The following RBMXL1 variants were observed in gnomAD, a reference collection of about 807,000 sequenced individuals.
RBMXL1 encodes the protein RBMX like 1.
In RBMXL1, 18 loss-of-function variants were observed where a neutral mutation model predicts 29.0. The ratio of observed to expected loss-of-function variants is 0.62; its 90% confidence interval spans 0.43 to 0.92. The LOEUF is 0.92. Among genes scored for constraint, RBMXL1 ranks in the 40% least tolerant of loss-of-function variants. The pLI, the probability that RBMXL1 is intolerant of heterozygous loss-of-function variation, is 0.00. For synonymous variants in RBMXL1, 141 were observed against 170.4 expected (o/e 0.83, Z 1.34); for missense variants, 403 against 495.8 (o/e 0.81, Z 1.78).
chr1:88,987,835 T>C (rs1677555241), intron 2 of RBMXL1, among the ~76,000 whole-genome samples: 2 of 152,252 alleles, frequency 1.3e-5, no homozygotes, highest in Non-Finnish European at 1.5e-5. Context: ...TCTGATTGTC[T>C]TTAAAAAATG....
chr1:88,986,741 G>A (rs1274063709), intron 2 of RBMXL1, among the ~76,000 whole-genome samples: 1 of 152,176 alleles, frequency 6.6e-6, no homozygotes, highest in African/African-American at 2.4e-5. Flanking sequence ...GGATGATGTG[G>A]ATGAAACGAA....
chr1:88,984,618 T>C (rs1157035793), intron 2 of RBMXL1, among the ~76,000 whole-genome samples: 1 of 152,250 alleles, frequency 6.6e-6, no homozygotes, highest in Non-Finnish European at 1.5e-5. Flanking sequence ...ACAGATCTGC[T>C]GAGTGAAAGG....
At chr1:88,984,440 T>C (rs541123126) in intron 2 of RBMXL1, among the ~76,000 whole-genome samples, 2 of 152,290 alleles carry the variant, frequency 1.3e-5, no homozygotes, top group African/African-American at 4.8e-5. Context: ...ATGGAACTCC[T>C]AGCCCAAGTG....
chr1:88,986,354 G>A (rs915875473), intron 2 of RBMXL1, among the ~76,000 whole-genome samples: 8 of 149,672 alleles, frequency 5.3e-5, no homozygotes, highest in Non-Finnish European at 1.2e-4. Context: ...GGCCAGGCGC[G>A]GTGGCTCACG....
intron 2 of RBMXL1, among the ~76,000 whole-genome samples, chr1:88,986,017 C>CA (rs1367992023): frequency 1.3e-5 from 2 of 151,818 alleles, no homozygotes; most frequent in African/African-American, 4.8e-5. Context: ...CCCGTCTCTA[C>CA]AAAAAATACA....
At chr1:88,990,592 C>T (rs1258350413) in intron 1 of RBMXL1, among the ~76,000 whole-genome samples, 1 of 152,192 alleles carries the variant, frequency 6.6e-6, no homozygotes, top group Non-Finnish European at 1.5e-5. Flanking sequence ...TCTCATTTAT[C>T]TCCTGCCTCT....
rs1343015646 is a variant in RBMXL1 at position 88,982,180 on chromosome 1, G to C, written c.*474C>G. The C allele has an allele frequency of 4.6e-6, 4 of 872,060 alleles. No homozygotes were observed. Among genetic ancestry groups the C allele is most frequent in the South Asian group, 1.0e-4 (2 of 19,412 alleles). The allele number at this position is 872,060 out of a possible 1,614,324, so 54.0% of individuals were successfully genotyped here. On this transcript the variant is annotated 3_prime_UTR_variant, in exon 3 of 3. Transcript: ENST00000652648. Reference sequence around the variant, plus strand: ...TCTGATTTCAGGTTTTGCATACTGAGAACAGTGAGATTTCAGTTAGAAAAC... The same window carrying C: ...TCTGATTTCAGGTTTTGCATACTGACAACAGTGAGATTTCAGTTAGAAAAC...
intron 2 of RBMXL1, among the ~76,000 whole-genome samples, chr1:88,986,038 G>A (rs998577167): frequency 1.3e-5 from 2 of 152,052 alleles, no homozygotes; most frequent in Admixed American, 6.5e-5. Flanking sequence ...AATATTGGCC[G>A]GGAGTGGTGG....
Position 88,982,831 on chromosome 1 carries a change from A to G in RBMXL1, c.996T>C (p.Ser332=), listed in dbSNP as rs758986203. Residue 332 remains serine, a synonymous_variant, in exon 3 of 3, where the codon AGT becomes AGC. Coordinates refer to ENST00000652648, the MANE Select transcript of RBMXL1 (RefSeq NM_001162536.3). ...CCCTGTCACAACTTGAGTAGAGATC[A>G]CTTCGGCTGCTTGAGTAACTGTCTC... The part of the protein sequence containing the change: ...GSRDSYSSSR[S]DLYSSCDRVG... The G allele has an allele frequency of 1.5e-5, 24 of 1,613,878 alleles. No individual in the cohort carries two copies. Among genetic ancestry groups the G allele is most frequent in the Non-Finnish European group, 1.9e-5 (23 of 1,179,882 alleles).
Position 88,982,598 on chromosome 1 carries a change from C to T in RBMXL1, c.*56G>A, listed in dbSNP as rs1210759062. The T allele has an allele frequency of 2.0e-6, 3 of 1,536,032 alleles. No homozygotes were observed. The highest frequency in any genetic ancestry group is 1.7e-6 in the Non-Finnish European group (2 of 1,145,314). ...TTGGGTAGTTATGATAGAATAGTTT[C>T]CACTCTTTTTTTTGTTTCTTTGAAC... On this transcript the variant is annotated 3_prime_UTR_variant, in exon 3 of 3. Coordinates refer to ENST00000652648, the MANE Select transcript of RBMXL1 (RefSeq NM_001162536.3).
At chr1:88,990,951 T>C (rs1300295415) in intron 1 of RBMXL1, among the ~76,000 whole-genome samples, 1 of 152,186 alleles carries the variant, frequency 6.6e-6, no homozygotes, top group Admixed American at 6.5e-5. Context: ...TTCTAAACAA[T>C]ATTTTCATTG....
At position 88,982,605 on chromosome 1, in the gene RBMXL1, T is replaced by A. The variant is rs1677150348; in HGVS notation, c.*49A>T. ...GTTATGATAGAATAGTTTCCACTCT[T>A]TTTTTTGTTTCTTTGAACTGGGATT... On this transcript the variant is annotated 3_prime_UTR_variant, in exon 3 of 3. Coordinates refer to ENST00000652648, the MANE Select transcript of RBMXL1 (RefSeq NM_001162536.3). The A allele has an allele frequency of 1.9e-6, 3 of 1,541,344 alleles. No individual in the cohort carries two copies. Among genetic ancestry groups the A allele is most frequent in the Non-Finnish European group, 2.6e-6 (3 of 1,147,812 alleles).
intron 2 of RBMXL1, among the ~76,000 whole-genome samples, chr1:88,986,726 A>C (rs765021732): frequency 5.3e-5 from 8 of 152,166 alleles, no homozygotes; most frequent in Non-Finnish European, 8.8e-5. Flanking sequence ...TTTTCATGAC[A>C]TTAAGGATGA....
At chr1:88,990,216 T>C (rs959488744) in intron 1 of RBMXL1, among the ~76,000 whole-genome samples, 2 of 152,190 alleles carry the variant, frequency 1.3e-5, no homozygotes, top group Non-Finnish European at 2.9e-5. Flanking sequence ...CTTGCTTCAC[T>C]GATTATTACC....
At chr1:88,984,135 G>A (rs1003774445) in intron 2 of RBMXL1, 69 bp from the exon 3 acceptor site, 6 of 311,710 alleles carry the variant, frequency 1.9e-5, no homozygotes, top group Non-Finnish European at 3.8e-5. Context: ...GATGCTTAAA[G>A]ATACATAAAA....
chr1:88,989,934 T>C (rs1241096781), intron 1 of RBMXL1, among the ~76,000 whole-genome samples: 1 of 152,150 alleles, frequency 6.6e-6, no homozygotes, highest in Non-Finnish European at 1.5e-5. Context: ...TGGTCATCAG[T>C]CTTAAATTGA....
intron 2 of RBMXL1, among the ~76,000 whole-genome samples, chr1:88,986,460 T>C (rs900130198): frequency 1.3e-5 from 2 of 151,476 alleles, no homozygotes; most frequent in South Asian, 4.2e-4. Context: ...CCAGCTAATG[T>C]TTTGTATGTT....
At chr1:88,987,386 A>G (rs757948581) in intron 2 of RBMXL1, among the ~76,000 whole-genome samples, 3 of 152,228 alleles carry the variant, frequency 2.0e-5, no homozygotes, top group Non-Finnish European at 2.9e-5. Context: ...GGTAGAATTC[A>G]TAAGATTTAC....
In RBMXL1 at chr1:88,980,109, A is replaced by C. The variant is rs546782823; in HGVS notation, c.*2545T>G. Reference sequence around the variant, plus strand: ...CCATTTATATAAAATACTAAACACCACCACAAAGCAAACTAATATATGGTG... The same window carrying C: ...CCATTTATATAAAATACTAAACACCCCCACAAAGCAAACTAATATATGGTG... On this transcript the variant is annotated 3_prime_UTR_variant, in exon 3 of 3. Coordinates refer to ENST00000652648, the MANE Select transcript of RBMXL1 (RefSeq NM_001162536.3). 6.6e-6 allele frequency: 1 copy of C among 152,392 alleles called. No homozygotes were observed. The highest frequency in any genetic ancestry group is 2.1e-4 in the South Asian group (1 of 4,826). 9.4% of individuals were successfully genotyped at this position (152,392 alleles called of 1,614,324 possible).
Sources: gnomAD v4.1 joint callset for allele counts (sites outside exome capture counted in the v4.1 genomes callset) on GRCh38, gnomAD v4.1.1 for gene constraint, MANE v1.5 for transcripts, NCBI Gene and HGNC (gene_info 2026-07-23, HGNC 2026-07-21) for gene names.